Variants in AGBL4 observed in about 807,000 individuals in gnomAD.
The protein encoded by AGBL4 is AGBL carboxypeptidase 4.
AGBL4 carries 58 observed loss-of-function variants against 66.4 expected under a neutral mutation model. That is an observed-to-expected ratio of 0.87 (90% CI 0.71 to 1.09). The LOEUF (loss-of-function observed/expected upper bound fraction) is 1.09. AGBL4 is among the 50% of genes least tolerant of loss of function. AGBL4 has a pLI of 0.00. For synonymous variants in AGBL4, 234 were observed against 222.9 expected, an observed-to-expected ratio of 1.05 and a Z score of -0.44; for missense variants, 579 against 631.0, an observed-to-expected ratio of 0.92 and a Z score of 0.88.
In AGBL4 at chr1:49,541,198, C is replaced by T. The variant is rs184874980; in HGVS notation, c.282+156115G>A. Among the ~76,000 whole-genome samples the T allele has an allele frequency of 2.6e-4, 40 of 152,320 alleles. 1 individual carries two copies. The highest frequency in any genetic ancestry group is 2.1e-3 in the East Asian group (11 of 5,178). On this transcript the variant is annotated intron_variant, in intron 3 of 13. Transcript: ENST00000371839. ...CGTGCTGGCAGCCCTCACTCACTCT[C>T]GGCACCTCCTCAGCCTCTGCGCCCA...
At chr1:49,936,826 G>C (rs1419786246) in intron 1 of AGBL4, among the ~76,000 whole-genome samples, 1 of 152,090 alleles carries the variant, frequency 6.6e-6, no homozygotes, top group Non-Finnish European at 1.5e-5. Context: ...CCATAAAAGA[G>C]CTCCTGAAGG....
At chr1:48,888,203 C>A (rs1253997314) in intron 5 of AGBL4, among the ~76,000 whole-genome samples, 2 of 152,112 alleles carry the variant, frequency 1.3e-5, no homozygotes, top group Admixed American at 1.3e-4. Context: ...CTTTACAATT[C>A]CAAAATGATT....
chr1:49,581,117 G>T (rs980934303), intron 3 of AGBL4, among the ~76,000 whole-genome samples: 1 of 151,682 alleles, frequency 6.6e-6, no homozygotes, highest in Non-Finnish European at 1.5e-5. Context: ...TCTTTCTTCT[G>T]CTTGGTTTGG....
At chr1:48,568,086 G>A (rs956527673) in intron 11 of AGBL4, among the ~76,000 whole-genome samples, 11 of 152,122 alleles carry the variant, frequency 7.2e-5, no homozygotes, top group African/African-American at 4.8e-5. Flanking sequence ...AGTCTTATTC[G>A]GGCCCTCAAG....
chr1:48,699,939 A>AT (rs1553209949), intron 6 of AGBL4, among the ~76,000 whole-genome samples: 1 of 42,354 alleles, frequency 2.4e-5, no homozygotes, highest in Non-Finnish European at 1.4e-4. Context: ...ATAAATATAC[A>AT]TTATATATAT....
chr1:49,585,279 T>C (rs747816894), intron 3 of AGBL4, among the ~76,000 whole-genome samples: 1 of 152,158 alleles, frequency 6.6e-6, no homozygotes, highest in Non-Finnish European at 1.5e-5. Context: ...ACAAAGGTGA[T>C]AGGATGGCAC....
intron 6 of AGBL4, chr1:48,776,845 G>A: frequency 6.7e-7 from 1 of 1,492,718 alleles, no homozygotes; most frequent in Non-Finnish European, 8.9e-7. Flanking sequence ...GGGCGCCGGG[G>A]GCGGGCCCCG....
intron 5 of AGBL4, among the ~76,000 whole-genome samples, chr1:48,971,560 CTT>C (rs1311122335): frequency 1.3e-5 from 2 of 152,102 alleles, no homozygotes; most frequent in African/African-American, 4.8e-5. Context: ...AGTTCATACT[CTT>C]TGACTCCATT....
intron 3 of AGBL4, among the ~76,000 whole-genome samples, chr1:49,387,521 G>T (rs897953441): frequency 6.6e-6 from 1 of 151,758 alleles, no homozygotes; most frequent in Non-Finnish European, 1.5e-5. Flanking sequence ...CACCATGTAT[G>T]ATTCCATTGA....
At chr1:49,841,092 A>G (rs1645978408) in intron 2 of AGBL4, among the ~76,000 whole-genome samples, 1 of 152,248 alleles carries the variant, frequency 6.6e-6, no homozygotes, top group African/African-American at 2.4e-5. Flanking sequence ...ATGACTGTAT[A>G]CTTAGAAAAC....
chr1:49,383,823 T>C (rs1440972594), intron 3 of AGBL4, among the ~76,000 whole-genome samples: 3 of 151,482 alleles, frequency 2.0e-5, no homozygotes, highest in Non-Finnish European at 4.4e-5. Context: ...TTTGAGATGG[T>C]GTCTTGCTCT....
rs12124908 is a variant in AGBL4, at chr1:49,038,033, T to C, written c.594+7551A>G. ...CTTACATATCTCAGAATTTAAGTGC[T>C]ACCTTCTAAATGAAATCTTACTCCC... On this transcript the variant is annotated intron_variant, in intron 5 of 13. Coordinates refer to ENST00000371839, the MANE Select transcript of AGBL4 (RefSeq NM_032785.4). Among the ~76,000 whole-genome samples the C allele has an allele frequency of 8.5e-3, 1,287 of 152,232 alleles. 13 individuals are homozygous for C. Among genetic ancestry groups the C allele is most frequent in the Admixed American group, 0.01 (160 of 15,270 alleles).
chr1:49,093,937 T>C (rs1405922544), intron 4 of AGBL4, among the ~76,000 whole-genome samples: 1 of 152,200 alleles, frequency 6.6e-6, no homozygotes, highest in Non-Finnish European at 1.5e-5. Flanking sequence ...TCTTTAAAAC[T>C]TTCTTCTTTA....
intron 3 of AGBL4, among the ~76,000 whole-genome samples, chr1:49,314,645 G>A (rs1645005986): frequency 6.6e-6 from 1 of 151,996 alleles, no homozygotes; most frequent in Non-Finnish European, 1.5e-5. Flanking sequence ...GAGCATTTTG[G>A]TTGTTTCCAA....
intron 6 of AGBL4, among the ~76,000 whole-genome samples, chr1:48,683,823 C>T (rs17104657): frequency 0.035 from 5,362 of 152,202 alleles, 316 homozygotes; most frequent in African/African-American, 0.12. Context: ...CAACAGCTGA[C>T]TTGTCAAAAC....
At chr1:49,735,413 G>A (rs187235924) in intron 2 of AGBL4, among the ~76,000 whole-genome samples, 44 of 149,870 alleles carry the variant, frequency 2.9e-4, no homozygotes, top group Non-Finnish European at 2.2e-4. Flanking sequence ...GAATGCAGTC[G>A]GCCTCTAGAT....
intron 3 of AGBL4, among the ~76,000 whole-genome samples, chr1:49,262,819 G>A (rs938438006): frequency 1.3e-5 from 2 of 152,110 alleles, no homozygotes; most frequent in African/African-American, 4.8e-5. Flanking sequence ...ATACCCAAAG[G>A]ACTATAAATC....
intron 1 of AGBL4, among the ~76,000 whole-genome samples, chr1:49,859,816 C>T (rs1329752785): frequency 1.3e-5 from 2 of 151,820 alleles, no homozygotes; most frequent in South Asian, 2.1e-4. Flanking sequence ...TATTCATACA[C>T]AACAGAATTG....
At chr1:49,198,275 T>C (rs1355264657) in intron 4 of AGBL4, among the ~76,000 whole-genome samples, 1 of 152,186 alleles carries the variant, frequency 6.6e-6, no homozygotes, top group Non-Finnish European at 1.5e-5. Flanking sequence ...CTTTTGTTTT[T>C]CTGTCAAATT....
Sources: gnomAD v4.1 joint callset for allele counts (sites outside exome capture counted in the v4.1 genomes callset) on GRCh38, gnomAD v4.1.1 for gene constraint, MANE v1.5 for transcripts, NCBI Gene and HGNC (gene_info 2026-07-23, HGNC 2026-07-21) for gene names.